The following MECOM variants were observed in gnomAD, a reference collection of about 807,000 sequenced individuals.
MECOM encodes histone-lysine N-methyltransferase MECOM.
A neutral mutation model predicts 116.3 loss-of-function variants in MECOM; 13 were observed. The ratio of observed to expected loss-of-function variants is 0.11; its 90% CI spans 0.07 to 0.18. The LOEUF (loss-of-function observed/expected upper bound fraction) is 0.18. Ranked by LOEUF, MECOM falls within the 10% of genes least tolerant of loss-of-function variation. The pLI is 1.00. For synonymous variants in MECOM, 528 were observed against 535.2 expected (o/e 0.99, Z 0.19); for missense variants, 1,299 against 1,509.0 (o/e 0.86, Z 2.31).
At chr3:169,378,945 A>AT (rs1216843530) in intron 2 of MECOM, among the ~76,000 whole-genome samples, 3 of 151,206 alleles carry the variant, frequency 2.0e-5, no homozygotes, top group African/African-American at 7.3e-5. Context: ...CTCCTTCATC[A>AT]TTTTTTTCAA....
chr3:169,290,308 C>T (rs905571153), intron 2 of MECOM, among the ~76,000 whole-genome samples: 2 of 152,040 alleles, frequency 1.3e-5, no homozygotes, highest in Middle Eastern at 3.2e-3. Flanking sequence ...TGTTTAAAGA[C>T]GTCTTATAAT....
chr3:169,307,007 T>C (rs60501913), intron 2 of MECOM, among the ~76,000 whole-genome samples: 53,668 of 152,080 alleles, frequency 0.35, 9,815 homozygotes, highest in Admixed American at 0.48. Context: ...TGCCAACATT[T>C]GGGATTTAAC....
intron 1 of MECOM, among the ~76,000 whole-genome samples, chr3:169,630,051 G>C (rs1771891468): frequency 6.6e-6 from 1 of 152,150 alleles, no homozygotes; most frequent in East Asian, 1.9e-4. Context: ...CAGCATGATG[G>C]GCAGATGGAA....
intron 2 of MECOM, among the ~76,000 whole-genome samples, chr3:169,264,945 A>G (rs1368839112): frequency 6.6e-6 from 1 of 152,142 alleles, no homozygotes; most frequent in African/African-American, 2.4e-5. Context: ...GCTCAGGGCT[A>G]ACTGTTGCTT....
rs916047230 is a variant in MECOM at position 169,557,802 on chromosome 3, T to C, written c.37+105534A>G. ...TCAACCTAGTTGGTTGGACCAAATGTTTACATATACACATTTATCCCCACC... is the reference window on the plus strand; with the variant it reads ...TCAACCTAGTTGGTTGGACCAAATGCTTACATATACACATTTATCCCCACC... On this transcript the variant is annotated intron_variant, in intron 1 of 16. Coordinates refer to ENST00000651503, the MANE Select transcript of MECOM (RefSeq NM_004991.4). Among the ~76,000 whole-genome samples the C allele has an allele frequency of 7.9e-5, 12 of 152,302 alleles. No homozygotes were observed. The East Asian group carries it at 2.3e-3, about 29-fold the overall frequency.
At chr3:169,458,047 G>C (rs554794643) in intron 1 of MECOM, among the ~76,000 whole-genome samples, 2 of 152,284 alleles carry the variant, frequency 1.3e-5, no homozygotes, top group Non-Finnish European at 2.9e-5. Context: ...TTTGACTCTG[G>C]GAAAGGGTAA....
At chr3:169,568,823 A>G (rs1454340095) in intron 1 of MECOM, among the ~76,000 whole-genome samples, 1 of 152,224 alleles carries the variant, frequency 6.6e-6, no homozygotes, top group African/African-American at 2.4e-5. Flanking sequence ...TTCTTGCCTT[A>G]CAAGAGCGCC....
At chr3:169,342,626 T>C (rs538045717) in intron 2 of MECOM, among the ~76,000 whole-genome samples, 48 of 152,314 alleles carry the variant, frequency 3.2e-4, no homozygotes, top group African/African-American at 1.1e-3. Context: ...TGCTTGATGA[T>C]ATGTAAAATG....
At chr3:169,506,680 A>C (rs1374326551) in intron 1 of MECOM, among the ~76,000 whole-genome samples, 1 of 152,214 alleles carries the variant, frequency 6.6e-6, no homozygotes, top group Non-Finnish European at 1.5e-5. Flanking sequence ...ACCAAAATTA[A>C]TTCTGTAAGA....
intron 1 of MECOM, among the ~76,000 whole-genome samples, chr3:169,557,075 T>C (rs1239088829): frequency 6.6e-6 from 1 of 152,090 alleles, no homozygotes; most frequent in Non-Finnish European, 1.5e-5. Context: ...CCCACCTCAT[T>C]GCTCTCAGGC....
intron 1 of MECOM, among the ~76,000 whole-genome samples, chr3:169,414,407 T>A (rs1410453771): frequency 6.6e-6 from 1 of 152,142 alleles, no homozygotes; most frequent in Admixed American, 6.5e-5. Context: ...GAAAGGTAGA[T>A]AAATCCATGA....
chr3:169,493,720 TTATGAA>T (rs756989476), intron 1 of MECOM, among the ~76,000 whole-genome samples: 1 of 152,042 alleles, frequency 6.6e-6, no homozygotes, highest in Non-Finnish European at 1.5e-5. Flanking sequence ...CCCTGACACT[TTATGAA>T]TAGGGAAATG....
chr3:169,408,382 C>T (rs1172549971), intron 1 of MECOM, among the ~76,000 whole-genome samples: 2 of 152,202 alleles, frequency 1.3e-5, no homozygotes, highest in African/African-American at 4.8e-5. Flanking sequence ...AGGTAGGAAA[C>T]AGCCAGACTA....
chr3:169,126,135 T>A (rs938922847), intron 5 of MECOM, among the ~76,000 whole-genome samples: 4 of 152,120 alleles, frequency 2.6e-5, no homozygotes, highest in African/African-American at 7.2e-5. Context: ...ATTTCCTTAT[T>A]GTTTTCTACT....
At chr3:169,175,871 C>T (rs1389714215) in intron 2 of MECOM, among the ~76,000 whole-genome samples, 2 of 152,100 alleles carry the variant, frequency 1.3e-5, no homozygotes, top group Non-Finnish European at 2.9e-5. Flanking sequence ...TGGCTTTAAA[C>T]CACAGGAGCT....
chr3:169,243,058 T>C (rs538774919), intron 2 of MECOM, among the ~76,000 whole-genome samples: 1 of 152,314 alleles, frequency 6.6e-6, no homozygotes, highest in South Asian at 2.1e-4. Flanking sequence ...CATGCTAATT[T>C]ACTTAAGTCA....
At chr3:169,191,046 G>C (rs998086302) in intron 2 of MECOM, among the ~76,000 whole-genome samples, 17 of 151,932 alleles carry the variant, frequency 1.1e-4, no homozygotes. Flanking sequence ...TTCCCATCTG[G>C]GATGCTGACT....
At chr3:169,282,822 TATA>T (rs1203904012) in intron 2 of MECOM, among the ~76,000 whole-genome samples, 1 of 151,810 alleles carries the variant, frequency 6.6e-6, no homozygotes, top group African/African-American at 2.4e-5. Flanking sequence ...TATAATATGA[TATA>T]ATAATATGTA....
intron 1 of MECOM, among the ~76,000 whole-genome samples, chr3:169,466,528 G>A (rs138585572): frequency 5.3e-5 from 8 of 152,188 alleles, no homozygotes; most frequent in Middle Eastern, 3.4e-3. Flanking sequence ...TATACTTGTC[G>A]TCTCATCCAT....
Sources: gnomAD v4.1 joint callset for allele counts (sites outside exome capture counted in the v4.1 genomes callset) on GRCh38, gnomAD v4.1.1 for gene constraint, MANE v1.5 for transcripts, NCBI Gene and HGNC (gene_info 2026-07-23, HGNC 2026-07-21) for gene names.